The following NPAS3 variants were observed in gnomAD, a reference collection of about 807,000 sequenced individuals.
NPAS3 encodes neuronal PAS domain-containing protein 3.
Under a neutral mutation model 73.1 loss-of-function variants are expected in NPAS3, and 14 were observed. The ratio of observed to expected loss-of-function variants is 0.19; its 90% confidence interval spans 0.13 to 0.30. The LOEUF (loss-of-function observed/expected upper bound fraction) is 0.30, where lower values mean the gene tolerates loss of function less well. Ranked by LOEUF, NPAS3 falls within the 10% of genes least tolerant of loss-of-function variation. The pLI, the probability that NPAS3 is intolerant of heterozygous loss-of-function variation, is 1.00. For synonymous variants in NPAS3, 620 were observed against 541.5 expected (o/e 1.14, Z -2.01); for missense variants, 1,096 against 1,250.0 (o/e 0.88, Z 1.86).
intron 5 of NPAS3, among the ~76,000 whole-genome samples, chr14:33,631,420 A>C (rs1312965600): frequency 6.6e-6 from 1 of 152,228 alleles, no homozygotes; most frequent in East Asian, 1.9e-4. Context: ...AGCCATTCTA[A>C]AGCTATGAAA....
At chr14:33,243,574 A>G (rs1157150395) in intron 3 of NPAS3, among the ~76,000 whole-genome samples, 1 of 152,040 alleles carries the variant, frequency 6.6e-6, no homozygotes, top group Non-Finnish European at 1.5e-5. Flanking sequence ...CACTCATATT[A>G]TCAACAGCCA....
Position 33,800,408 on chromosome 14 carries a change from G to T in NPAS3, c.2101G>T (p.Gly701Cys). The T allele has an allele frequency of 1.3e-6, 2 of 1,599,992 alleles. No homozygotes were observed. Among genetic ancestry groups the T allele is most frequent in the East Asian group, 2.3e-5 (1 of 43,468 alleles). ...GTCCCCGCAGGGCGGCGGCGGTGGG[G>T]GTGGCGGTGGCGGGGGGCTGCACGT... Residue 701 changes from glycine (G) to cysteine (C), a missense_variant, in exon 12 of 12, where the codon GGT (glycine) becomes TGT (cysteine). This residue lies in a region of NPAS3 where 698 missense variants were observed against 676.7 expected (regional missense o/e 1.03). Coordinates refer to ENST00000356141, the Ensembl canonical transcript of NPAS3. This position sits in a 1 kb window ranked among gnomAD's most constrained non-coding sequence, Gnocchi z 6.5.
intron 5 of NPAS3, among the ~76,000 whole-genome samples, chr14:33,582,970 G>GTTTTT (rs55885070): frequency 4.3e-5 from 4 of 93,304 alleles, no homozygotes; most frequent in African/African-American, 2.3e-4. Flanking sequence ...TATTTAAAGG[G>GTTTTT]TTTTTTTTTT....
chr14:32,935,030 A>C, upstream of NPAS3: 1 of 1,261,906 alleles, frequency 7.9e-7, no homozygotes, highest in Non-Finnish European at 1.0e-6. Flanking sequence ...GGGCTGGGAT[A>C]GTGCCCCCGC....
chr14:33,374,488 T>G (rs1470261946), intron 4 of NPAS3, among the ~76,000 whole-genome samples: 1 of 151,864 alleles, frequency 6.6e-6, no homozygotes, highest in Non-Finnish European at 1.5e-5. Context: ...CCAGAAGTTT[T>G]TTTTAAAAAA....
At chr14:33,553,293 G>A (rs1169488327) in intron 4 of NPAS3, among the ~76,000 whole-genome samples, 1 of 152,164 alleles carries the variant, frequency 6.6e-6, no homozygotes, top group Admixed American at 6.5e-5. Context: ...CAGAAAGTGG[G>A]TCTCTTTGTT....
intron 4 of NPAS3, among the ~76,000 whole-genome samples, chr14:33,516,999 G>GGA (rs1408440420): frequency 5.9e-5 from 9 of 152,098 alleles, no homozygotes; most frequent in Non-Finnish European, 1.2e-4. Flanking sequence ...TACTGAGGCA[G>GGA]ATGAACAGGC....
intron 2 of NPAS3, among the ~76,000 whole-genome samples, chr14:33,211,344 G>A (rs1415337151): frequency 6.6e-6 from 1 of 152,166 alleles, no homozygotes; most frequent in Non-Finnish European, 1.5e-5. Context: ...AATTTGGGAG[G>A]CCAAGGTGGG....
intron 7 of NPAS3, among the ~76,000 whole-genome samples, chr14:33,740,234 A>G (rs753805695): frequency 1.3e-5 from 2 of 152,168 alleles, no homozygotes; most frequent in Non-Finnish European, 2.9e-5. Context: ...TGTTTCCTCA[A>G]TTTTGAAGAT....
At chr14:33,739,749 C>T (rs1877571046) in intron 7 of NPAS3, among the ~76,000 whole-genome samples, 1 of 152,156 alleles carries the variant, frequency 6.6e-6, no homozygotes, top group African/African-American at 2.4e-5. Flanking sequence ...CCCTATTTAA[C>T]AGTATGATAT....
chr14:33,450,062 A>C (rs1291406323), intron 4 of NPAS3, among the ~76,000 whole-genome samples: 1 of 152,176 alleles, frequency 6.6e-6, no homozygotes, highest in African/African-American at 2.4e-5. Flanking sequence ...GCAGTATGTA[A>C]AGTGTTGAAA....
At chr14:33,751,757 T>A (rs1389307418) in intron 7 of NPAS3, among the ~76,000 whole-genome samples, 1 of 152,224 alleles carries the variant, frequency 6.6e-6, no homozygotes, top group African/African-American at 2.4e-5. Context: ...TGGTTGACTA[T>A]TCAGAATTTC....
At chr14:33,249,884 C>A (rs1010651537) in intron 3 of NPAS3, among the ~76,000 whole-genome samples, 4 of 151,332 alleles carry the variant, frequency 2.6e-5, no homozygotes, top group African/African-American at 4.9e-5. Context: ...TCTATTGTAA[C>A]GCGTTTGGAA....
chr14:33,676,650 G>A (rs10145577), intron 6 of NPAS3, among the ~76,000 whole-genome samples: 1 of 152,030 alleles, frequency 6.6e-6, no homozygotes, highest in Non-Finnish European at 1.5e-5. Context: ...CAAATTACTA[G>A]AGGGAACAGC....
chr14:33,324,499 A>G (rs2140248722), intron 3 of NPAS3, among the ~76,000 whole-genome samples: 1 of 152,358 alleles, frequency 6.6e-6, no homozygotes, highest in South Asian at 2.1e-4. Flanking sequence ...CCTAAATAGT[A>G]TCATATGATG....
intron 1 of NPAS3, among the ~76,000 whole-genome samples, chr14:33,052,281 A>G (rs957834659): frequency 2.0e-5 from 3 of 152,162 alleles, no homozygotes; most frequent in Admixed American, 1.3e-4. Flanking sequence ...CAGCAGTGCA[A>G]TCCTTAGGCT....
intron 3 of NPAS3, among the ~76,000 whole-genome samples, chr14:33,236,883 G>C (rs1376702927): frequency 2.0e-5 from 3 of 152,080 alleles, no homozygotes; most frequent in African/African-American, 7.2e-5. Flanking sequence ...TACTGAACCT[G>C]TCTTAGCTTT....
chr14:33,444,033 T>C (rs1049925710), intron 4 of NPAS3, among the ~76,000 whole-genome samples: 22 of 152,218 alleles, frequency 1.4e-4, no homozygotes, highest in African/African-American at 5.1e-4. Flanking sequence ...ATTTGGTACA[T>C]TTGTATTTTT....
At chr14:33,435,946 G>T (rs780910357) in intron 4 of NPAS3, among the ~76,000 whole-genome samples, 10 of 152,106 alleles carry the variant, frequency 6.6e-5, no homozygotes, top group Non-Finnish European at 1.5e-4. Flanking sequence ...GACATCACAG[G>T]TTGTCCTAAT....
Sources: gnomAD v4.1 joint callset for allele counts (sites outside exome capture counted in the v4.1 genomes callset) on GRCh38, gnomAD v4.1.1 for gene constraint, gnomAD v4.1.1 regional missense constraint, Gnocchi (gnomAD v3.1) non-coding constraint, MANE v1.5 for transcripts, NCBI Gene and HGNC (gene_info 2026-07-23, HGNC 2026-07-21) for gene names.